IL6ST: variants seen among roughly 807,000 people sequenced by gnomAD.
IL6ST encodes interleukin 6 cytokine family signal transducer.
IL6ST carries 24 observed loss-of-function variants against 91.3 expected under a neutral mutation model. The ratio of observed to expected loss-of-function variants is 0.26; its 90% CI spans 0.19 to 0.37. IL6ST has a LOEUF of 0.37. Among genes scored for constraint, IL6ST ranks in the 10% least tolerant of loss-of-function variants. The pLI, the probability that IL6ST is intolerant of heterozygous loss-of-function variation, is 1.00. For synonymous variants in IL6ST, 351 were observed against 373.6 expected (o/e 0.94, Z 0.70); for missense variants, 914 against 1,078.5 (o/e 0.85, Z 2.14).
At chr5:55,994,032 C>A (rs182421234) in intron 1 of IL6ST, 390 of 106,422 alleles carry the variant, frequency 3.7e-3, no homozygotes, top group African/African-American at 0.014. Flanking sequence ...AGCCAAAATG[C>A]GTTTCCTTCT....
intron 1 of IL6ST, among the ~76,000 whole-genome samples, chr5:55,984,654 A>G (rs925386937): frequency 6.6e-5 from 10 of 152,366 alleles, no homozygotes; most frequent in African/African-American, 1.9e-4. Flanking sequence ...AATTTGTGGT[A>G]CAGGTTGAAC....
chr5:55,954,744 A>C lies in IL6ST; in HGVS notation c.1450+66T>G, dbSNP rs553493078. On this transcript the variant is annotated intron_variant, in intron 11 of 16. Coordinates refer to ENST00000381298, the MANE Select transcript of IL6ST (RefSeq NM_002184.4). ...TTCAACGGACCAAAACACTATAAGC[A>C]AAAGAAAAAGCTGCCTAAAGAGTTA... 10 of 1,280,896 alleles carry C rather than the reference A, an allele frequency of 7.8e-6. No individual in the cohort carries two copies. The South Asian group carries it at 1.5e-4, about 19-fold the overall frequency. 79.3% of individuals were successfully genotyped at this position (1,280,896 alleles called of 1,614,324 possible). A position where few individuals can be genotyped will look rare whatever the true frequency, so the allele number is the denominator to read the frequency against.
At position 55,941,670 on chromosome 5, in the gene IL6ST, T is replaced by A. The variant is rs1453735942; in HGVS notation, c.2169A>T (p.Gly723=). The change falls in exon 17 of 17, where the codon GGA becomes GGT. Residue 723 remains glycine (G), a synonymous_variant. Coordinates refer to ENST00000381298, the MANE Select transcript of IL6ST (RefSeq NM_002184.4). ...AAGACCCCCCAATACCACTGCTGTG[T>A]CCTTCAGTATTAATTTTTTCCTTTT... The part of the protein sequence containing the change: ...LFKKEKINTE[G]HSSGIGGSSC... 1.4e-5 allele frequency: 22 copies of A among 1,614,024 alleles called. No individual in the cohort carries two copies. The highest frequency in any genetic ancestry group is 1.9e-5 in the Non-Finnish European group (22 of 1,180,028).
intron 13 of IL6ST, 33 bp from the exon 14 acceptor site, chr5:55,951,637 T>C (rs1751642039): frequency 6.3e-7 from 1 of 1,584,228 alleles, no homozygotes; most frequent in South Asian, 1.2e-5. Flanking sequence ...TTCATTCAAC[T>C]ATTCAATGCT....
intron 10 of IL6ST, among the ~76,000 whole-genome samples, chr5:55,955,505 C>T (rs1751899081): frequency 6.6e-6 from 1 of 152,164 alleles, no homozygotes; most frequent in South Asian, 2.1e-4. Context: ...TTTGTAATTG[C>T]AATTTTTCTT....
At chr5:55,988,260 T>G (rs747435789) in intron 1 of IL6ST, among the ~76,000 whole-genome samples, 1 of 152,116 alleles carries the variant, frequency 6.6e-6, no homozygotes, top group African/African-American at 2.4e-5. Flanking sequence ...TATTCACCAC[T>G]GCTCTAAAGG....
Position 55,963,641 on chromosome 5 carries a change from T to A in IL6ST, c.659-135A>T, listed in dbSNP as rs1752467155. On this transcript the variant is annotated intron_variant, in intron 6 of 16. Coordinates refer to ENST00000381298, the MANE Select transcript of IL6ST (RefSeq NM_002184.4). ...CCAAATGAACTAATTTCTCTGAAAA[T>A]TATGCTATGCTATATACCTTATAAT... 5.9e-6 allele frequency: 4 copies of A among 680,004 alleles called. No individual in the cohort carries two copies. In the Admixed American group the frequency reaches 1.3e-4, roughly 22 times the overall value. 42.1% of individuals were successfully genotyped at this position (680,004 alleles called of 1,614,324 possible). A position where few individuals can be genotyped will look rare whatever the true frequency, so the allele number is the denominator to read the frequency against.
At chr5:55,947,253 A>G (rs1383342667) in intron 15 of IL6ST, among the ~76,000 whole-genome samples, 1 of 152,132 alleles carries the variant, frequency 6.6e-6, no homozygotes, top group East Asian at 1.9e-4. Context: ...AGTTACAGAA[A>G]AGCAGATCAA....
At chr5:55,951,767 A>G (rs1202511642) in intron 13 of IL6ST, 162 bp downstream of exon 13, 3 of 795,294 alleles carry the variant, frequency 3.8e-6, no homozygotes, top group South Asian at 3.8e-5. Context: ...GCACAACACA[A>G]TACTTTTTCA....
intron 11 of IL6ST, among the ~76,000 whole-genome samples, chr5:55,954,557 TAGG>T (rs1049338522): frequency 3.9e-5 from 6 of 152,212 alleles, no homozygotes; most frequent in Admixed American, 1.3e-4. Context: ...TCTATAGTTT[TAGG>T]AGTTTTCCCT....
In IL6ST at chr5:55,936,998, A is replaced by G. The variant is rs1750572586; in HGVS notation, c.*4084T>C. 5.0e-6 allele frequency: 1 copy of G among 200,630 alleles called. No homozygotes were observed. Among genetic ancestry groups the G allele is most frequent in the African/African-American group, 2.3e-5 (1 of 43,626 alleles). The allele number at this position is 200,630 out of a possible 1,614,324, so 12.4% of individuals were successfully genotyped here. A position where few individuals can be genotyped will look rare whatever the true frequency, so the allele number is the denominator to read the frequency against. On this transcript the variant is annotated 3_prime_UTR_variant, in exon 17 of 17. Coordinates refer to ENST00000381298, the MANE Select transcript of IL6ST (RefSeq NM_002184.4). ...TTTAGAGTATATTCAATACACATAC[A>G]TATTGAGACTAGAGAATTTTCAAAT... is the stretch of plus-strand genomic sequence containing the variant.
chr5:55,944,530 A>G (rs1035217828), intron 15 of IL6ST: 7 of 433,684 alleles, frequency 1.6e-5, no homozygotes, highest in Non-Finnish European at 3.0e-5. Flanking sequence ...AACACTGCAA[A>G]AGTAAATTAA....
chr5:55,961,995 CA>C (rs1467932856), intron 7 of IL6ST, among the ~76,000 whole-genome samples: 2 of 152,032 alleles, frequency 1.3e-5, no homozygotes, highest in Non-Finnish European at 2.9e-5. Context: ...CCAGCCCAAT[CA>C]AGAAAAACAA....
intron 1 of IL6ST, among the ~76,000 whole-genome samples, chr5:55,990,695 TAC>T (rs1561210052): frequency 1.3e-5 from 2 of 152,172 alleles, no homozygotes; most frequent in East Asian, 3.8e-4. Context: ...CTAAAAACAA[TAC>T]ACCATAGGTA....
At chr5:55,963,575 T>G in intron 6 of IL6ST, 69 bp from the exon 7 acceptor site, 1 of 1,068,180 alleles carries the variant, frequency 9.4e-7, no homozygotes, top group Non-Finnish European at 1.4e-6. Context: ...AAATATACTC[T>G]TTATATTGTC....
intron 12 of IL6ST, 64 bp downstream of exon 12, chr5:55,952,186 T>TA (rs770320621): frequency 6.0e-6 from 9 of 1,489,986 alleles, no homozygotes; most frequent in Non-Finnish European, 8.3e-6. Flanking sequence ...TTAAAAGCGA[T>TA]AAAATGTTTC....
At chr5:55,960,629 C>T in intron 7 of IL6ST, 68 bp from the exon 8 acceptor site, 3 of 1,495,934 alleles carry the variant, frequency 2.0e-6, no homozygotes, top group Non-Finnish European at 2.7e-6. Context: ...TGTTAAAATT[C>T]AGAAACTTTT....
At chr5:55,964,946 T>C (rs1752551407) in intron 5 of IL6ST, among the ~76,000 whole-genome samples, 1 of 152,220 alleles carries the variant, frequency 6.6e-6, no homozygotes, top group South Asian at 2.1e-4. Flanking sequence ...GGTTAGCCTC[T>C]AAGGAGAAGG....
At chr5:55,944,017 G>T (rs1751084166) in intron 15 of IL6ST, among the ~76,000 whole-genome samples, 1 of 152,200 alleles carries the variant, frequency 6.6e-6, no homozygotes, top group African/African-American at 2.4e-5. Flanking sequence ...GGTGGGGGTT[G>T]CAGTGAGCCA....
Sources: allele counts gnomAD v4.1 joint callset (sites outside exome capture counted in the v4.1 genomes callset), GRCh38; gene constraint gnomAD v4.1.1; transcripts MANE v1.5; gene names NCBI Gene and HGNC (gene_info 2026-07-23, HGNC 2026-07-21).